Variants in WDR7 observed in about 807,000 individuals in gnomAD.
WDR7 encodes WD repeat-containing protein 7.
Under a neutral mutation model 169.4 loss-of-function variants are expected in WDR7, and 46 were observed. The ratio of observed to expected loss-of-function variants is 0.27; its 90% CI spans 0.21 to 0.35. The LOEUF (loss-of-function observed/expected upper bound fraction) is 0.35, where lower values mean the gene tolerates loss of function less well. WDR7 is among the 10% of genes least tolerant of loss of function. The pLI, the probability that WDR7 is intolerant of heterozygous loss-of-function variation, is 1.00. For synonymous variants in WDR7, 612 were observed against 666.8 expected, an observed-to-expected ratio of 0.92 and a Z score of 1.27; for missense variants, 1,534 against 1,859.3, an observed-to-expected ratio of 0.83 and a Z score of 3.22.
chr18:56,703,380 T>G (rs1200221011), intron 12 of WDR7, among the ~76,000 whole-genome samples: 1 of 152,216 alleles, frequency 6.6e-6, no homozygotes, highest in African/African-American at 2.4e-5. Flanking sequence ...TTATCTCCCA[T>G]TTTTGATTCT....
chr18:57,031,951 AT>A (rs1307290875), downstream of WDR7: 1 of 152,182 alleles, frequency 6.6e-6, no homozygotes, highest in African/African-American at 2.4e-5. Flanking sequence ...GAAAACTTGG[AT>A]TTTTGTTTTA....
intron 13 of WDR7, among the ~76,000 whole-genome samples, chr18:56,728,623 G>A (rs2026514392): frequency 6.6e-6 from 1 of 151,878 alleles, no homozygotes; most frequent in Admixed American, 6.6e-5. Flanking sequence ...TTCTCTCTTT[G>A]GGCCCCATCC....
chr18:56,868,769 C>T (rs546795706), intron 20 of WDR7, among the ~76,000 whole-genome samples: 1 of 152,232 alleles, frequency 6.6e-6, no homozygotes, highest in South Asian at 2.1e-4. Context: ...CTCAGTGTTA[C>T]AATTTGTAGT....
At chr18:56,896,467 T>G (rs998052016) in intron 21 of WDR7, among the ~76,000 whole-genome samples, 7 of 151,882 alleles carry the variant, frequency 4.6e-5, no homozygotes, top group African/African-American at 1.7e-4. Flanking sequence ...AATTATTACA[T>G]TGTTACCTTG....
intron 14 of WDR7, among the ~76,000 whole-genome samples, chr18:56,747,688 G>A (rs73448324): frequency 0.029 from 4,452 of 152,288 alleles, 214 homozygotes; most frequent in African/African-American, 0.1. Context: ...TTGACATTAG[G>A]AGGACGGTGG....
chr18:56,815,305 T>C (rs2044946187), intron 19 of WDR7, among the ~76,000 whole-genome samples: 1 of 152,214 alleles, frequency 6.6e-6, no homozygotes, highest in African/African-American at 2.4e-5. Flanking sequence ...TGCACCCTAG[T>C]ATCTGTTGTG....
intron 25 of WDR7, among the ~76,000 whole-genome samples, chr18:56,954,534 A>T (rs143093181): frequency 1.4e-3 from 218 of 152,258 alleles, no homozygotes; most frequent in African/African-American, 5.0e-3. Flanking sequence ...ATTCATACCT[A>T]TACAGGTATA....
At chr18:56,887,328 T>A (rs2046210919) in intron 21 of WDR7, among the ~76,000 whole-genome samples, 1 of 152,162 alleles carries the variant, frequency 6.6e-6, no homozygotes, top group African/African-American at 2.4e-5. Flanking sequence ...ACTTTCCCAA[T>A]GAAGATAAAT....
chr18:56,821,870 G>T (rs1262906804), intron 20 of WDR7, among the ~76,000 whole-genome samples: 1 of 151,980 alleles, frequency 6.6e-6, no homozygotes, highest in Non-Finnish European at 1.5e-5. Flanking sequence ...GTGGTGGTGC[G>T]CACCTGTGGT....
chr18:56,752,904 G>A (rs761070294), intron 14 of WDR7, among the ~76,000 whole-genome samples: 44 of 152,312 alleles, frequency 2.9e-4, no homozygotes, highest in Non-Finnish European at 4.1e-4. Flanking sequence ...TCTGGCATAA[G>A]CATATGCAGA....
rs753084475 is a variant in WDR7 at position 56,679,345 on chromosome 18, C to T, written c.173C>T (p.Ala58Val). The change falls in exon 3 of 28, where the codon GCA (alanine) becomes GTA (valine). Residue 58 changes from alanine to valine, a missense_variant. Physicochemically the swap from Ala to Val is moderately conservative, Grantham distance 64. Coordinates refer to ENST00000254442, the MANE Select transcript of WDR7 (RefSeq NM_015285.3). The stretch of plus-strand genomic sequence containing the variant: ...TTGCATTTCTAGATTAATCCTCGAG[C>T]ACTGTTGTTTGGTCATACAGCATCA... ...LSVELQINPR[A>V]LLFGHTASIT... The T allele has an allele frequency of 1.2e-6, 2 of 1,609,344 alleles. No individual in the cohort carries two copies. The highest frequency in any genetic ancestry group is 1.7e-6 in the Non-Finnish European group (2 of 1,176,572).
chr18:56,779,086 A>G (rs1345808781), intron 17 of WDR7, among the ~76,000 whole-genome samples: 2 of 152,228 alleles, frequency 1.3e-5, no homozygotes, highest in South Asian at 2.1e-4. Context: ...TAGCTCTAGT[A>G]TGTGTTTATT....
At chr18:57,023,889 G>A (rs966575608) in intron 27 of WDR7, among the ~76,000 whole-genome samples, 3 of 152,154 alleles carry the variant, frequency 2.0e-5, no homozygotes, top group Non-Finnish European at 4.4e-5. Context: ...CCATTGTATA[G>A]TAGAATACTA....
At chr18:56,874,284 T>G (rs1375433385) in intron 20 of WDR7, among the ~76,000 whole-genome samples, 4 of 152,164 alleles carry the variant, frequency 2.6e-5, no homozygotes, top group African/African-American at 7.2e-5. Context: ...TTTTTTCTTC[T>G]TAGTATGGTT....
Position 56,682,794 on chromosome 18 carries a change from C to G in WDR7, c.461C>G (p.Ser154Ter). 6.2e-7 allele frequency: 1 copy of G among 1,613,812 alleles called. No individual in the cohort carries two copies. Among genetic ancestry groups the G allele is most frequent in the Non-Finnish European group, 8.5e-7 (1 of 1,179,788 alleles). Residue 154 changes from serine (S) to a stop codon, truncating the protein, a stop_gained, in exon 5 of 28, where the codon TCA becomes TGA. Coordinates refer to ENST00000254442, the MANE Select transcript of WDR7 (RefSeq NM_015285.3). LOFTEE classifies it high-confidence loss of function. ...CTTGAAGTATTATACTCCTTAGTAT[C>G]AAAGATATCACCAGACTGGATTAGC... ...TSLEVLYSLV[S>*]KISPDWISSM...
chr18:56,991,142 C>CCTTTT (rs1599225543), intron 26 of WDR7, among the ~76,000 whole-genome samples: 9 of 74,022 alleles, frequency 1.2e-4, no homozygotes, highest in South Asian at 4.2e-4. Context: ...ACCTTCTCCT[C>CCTTTT]ATTTTTTTTT....
intron 20 of WDR7, among the ~76,000 whole-genome samples, chr18:56,865,681 C>T (rs1468817723): frequency 6.6e-6 from 1 of 152,080 alleles, no homozygotes; most frequent in Non-Finnish European, 1.5e-5. Context: ...CTGTGGAAGG[C>T]ATGCTGATTT....
intron 16 of WDR7, 86 bp downstream of exon 16, chr18:56,759,039 T>A: frequency 1.0e-6 from 1 of 955,548 alleles, no homozygotes; most frequent in Non-Finnish European, 1.5e-6. Flanking sequence ...TCATAATATT[T>A]GTTTGTCTTG....
intron 26 of WDR7, among the ~76,000 whole-genome samples, chr18:56,994,016 C>CTTTTT (rs35579782): frequency 1.5e-5 from 2 of 129,206 alleles, no homozygotes; most frequent in African/African-American, 3.0e-5. Context: ...CTTTTTTTTT[C>CTTTTT]TTTTTTTTTT....
Sources: gnomAD v4.1 joint callset for allele counts (sites outside exome capture counted in the v4.1 genomes callset) on GRCh38, gnomAD v4.1.1 for gene constraint, MANE v1.5 for transcripts, NCBI Gene and HGNC (gene_info 2026-07-23, HGNC 2026-07-21) for gene names.